TRUB2: variants seen among roughly 807,000 people sequenced by gnomAD.
TRUB2 encodes TruB pseudouridine synthase family member 2.
Under a neutral mutation model 31.9 loss-of-function variants are expected in TRUB2, and 31 were observed. The observed-to-expected ratio is 0.97, with a 90% confidence interval of 0.73 to 1.31. TRUB2 has a LOEUF of 1.31. Among genes scored for constraint, TRUB2 ranks in the 50% most tolerant of loss-of-function variants. The pLI is 0.00. For missense variants in TRUB2, 451 were observed against 439.6 expected (o/e 1.03, Z -0.23); for synonymous variants, 201 against 182.6 (o/e 1.10, Z -0.81).
rs144400266 is a variant in TRUB2, at chr9:128,319,780, C to T, written c.241+1819G>A. Among the ~76,000 whole-genome samples, 216 of 151,298 alleles carry T rather than the reference C, an allele frequency of 1.4e-3. 1 individual carries two copies. The highest frequency in any genetic ancestry group is 4.9e-3 in the African/African-American group (201 of 41,232). ...TCAGCCTCCTGAGTAGCTGGGATTA[C>T]AGGTACGTGCTATCATGCCCAGCTA... On this transcript the variant is annotated intron_variant, in intron 2 of 7. Transcript: ENST00000372890.
intron 2 of TRUB2, among the ~76,000 whole-genome samples, chr9:128,318,681 T>C (rs1229344000): frequency 6.6e-6 from 1 of 151,956 alleles, no homozygotes; most frequent in African/African-American, 2.4e-5. Context: ...TACAGGCACC[T>C]GCCTCCATAC....
At position 128,312,604 on chromosome 9, in the gene TRUB2, G is replaced by GTAT. The variant is rs1564383191; in HGVS notation, c.461-1006_461-1004dup. ...CACTACCATGCCCGGCTAATTTTTT[G>GTAT]TATTATTATTATTTTTTTTTTTTTT... is the stretch of plus-strand genomic sequence containing the variant. On this transcript the variant is annotated intron_variant, in intron 5 of 7. Coordinates refer to ENST00000372890, the MANE Select transcript of TRUB2 (RefSeq NM_015679.3). Among the ~76,000 whole-genome samples the GTAT allele has an allele frequency of 1.7e-3, 249 of 144,832 alleles. 7 individuals are homozygous for GTAT. Among genetic ancestry groups the GTAT allele is most frequent in the Middle Eastern group, 3.7e-3 (1 of 272 alleles).
chr9:128,322,237 G>T, intron 1 of TRUB2, 63 bp downstream of exon 1: 1 of 1,434,700 alleles, frequency 7.0e-7, no homozygotes, highest in Non-Finnish European at 9.8e-7. Context: ...GTAAGGACCA[G>T]AAGCGGAGAT....
intron 7 of TRUB2, among the ~76,000 whole-genome samples, chr9:128,310,568 A>G (rs572523896): frequency 2.0e-5 from 3 of 151,974 alleles, no homozygotes; most frequent in East Asian, 2.0e-4. Flanking sequence ...GTTGTGTCTG[A>G]TGGAGCCCTC....
intron 2 of TRUB2, among the ~76,000 whole-genome samples, chr9:128,321,100 T>A (rs1372281336): frequency 6.6e-6 from 1 of 152,258 alleles, no homozygotes; most frequent in Non-Finnish European, 1.5e-5. Flanking sequence ...TTACTTATAA[T>A]GCCTAATATA....
At position 128,312,620 on chromosome 9, in the gene TRUB2, T is replaced by A. The variant is rs565316426; in HGVS notation, c.461-1019A>T. Among the ~76,000 whole-genome samples the A allele has an allele frequency of 8.8e-4, 130 of 147,420 alleles. 2 individuals are homozygous for A. The South Asian group carries it at 0.019, about 21-fold the overall frequency. On this transcript the variant is annotated intron_variant, in intron 5 of 7. Coordinates refer to ENST00000372890, the MANE Select transcript of TRUB2 (RefSeq NM_015679.3). ...TAATTTTTTGTATTATTATTATTTTTTTTTTTTTTTTTTGAGACGGAGTCT... is the reference window on the plus strand; with the variant it reads ...TAATTTTTTGTATTATTATTATTTTATTTTTTTTTTTTTGAGACGGAGTCT...
At chr9:128,310,043 A>C (rs1316907642) in intron 7 of TRUB2, among the ~76,000 whole-genome samples, 168 bp from the exon 8 acceptor site, 1 of 152,052 alleles carries the variant, frequency 6.6e-6, no homozygotes, top group Admixed American at 6.6e-5. Flanking sequence ...GTGCCACCTG[A>C]AATGTGTTAA....
Position 128,317,195 on chromosome 9 carries a change from A to G in TRUB2, c.273T>C (p.Val91=). 6.3e-7 allele frequency: 1 copy of G among 1,595,602 alleles called. No individual in the cohort carries two copies. Among genetic ancestry groups the G allele is most frequent in the Non-Finnish European group, 8.6e-7 (1 of 1,169,510 alleles). ...GGGCATCCAACCGATGTCCCACGCCAACCTTGAGATGGGCGAATGCTGGTC... is the reference window on the plus strand; with the variant it reads ...GGGCATCCAACCGATGTCCCACGCCGACCTTGAGATGGGCGAATGCTGGTC... ...VCGPAFAHLK[V]GVGHRLDAQA... is the part of the protein sequence containing the mutation. Residue 91 remains valine, a synonymous_variant, in exon 3 of 8, where the codon GTT becomes GTC. Transcript: ENST00000372890.
chr9:128,312,098 G>A (rs538269686), intron 5 of TRUB2, among the ~76,000 whole-genome samples: 5 of 149,274 alleles, frequency 3.3e-5, no homozygotes, highest in African/African-American at 9.9e-5. Flanking sequence ...GCCTCCCAAA[G>A]TGCTGAGATT....
At position 128,322,284 on chromosome 9, in the gene TRUB2, G is replaced by A. The variant is rs751324221; in HGVS notation, c.109+16C>T. On this transcript the variant is annotated intron_variant, in intron 1 of 7. Coordinates refer to ENST00000372890, the MANE Select transcript of TRUB2 (RefSeq NM_015679.3). ...AGAACGAGAGCGGGAACGTGGGTCT[G>A]GTTCGAGGCACTCACCCTTCAGAAG... is the stretch of plus-strand genomic sequence containing the variant. 4 of 1,603,924 alleles carry A rather than the reference G, an allele frequency of 2.5e-6. No homozygotes were observed. In the Admixed American group the frequency reaches 5.0e-5, roughly 20 times the overall value.
In TRUB2 at chr9:128,310,993, C is replaced by T; in HGVS notation, c.564G>A (p.Glu188=). ...MYSNLDLKTQ[E]AYEMAVRGLI... is the part of the protein sequence containing the mutation. ...GGCCTCTCACGGCCATCTCATAGGC[C>T]TCCTGGGTCTTCAGGTCGAGGTTGG... The change falls in exon 7 of 8, where the codon GAG becomes GAA. Residue 188 remains glutamate, a synonymous_variant. Coordinates refer to ENST00000372890, the MANE Select transcript of TRUB2 (RefSeq NM_015679.3). 1 of 1,614,228 alleles carries T rather than the reference C, an allele frequency of 6.2e-7. No homozygotes were observed. Among genetic ancestry groups the T allele is most frequent in the East Asian group, 2.2e-5 (1 of 44,880 alleles).
At chr9:128,310,654 G>A (rs1400989598) in intron 7 of TRUB2, among the ~76,000 whole-genome samples, 4 of 152,062 alleles carry the variant, frequency 2.6e-5, no homozygotes, top group Non-Finnish European at 5.9e-5. Context: ...GGCTTCCAAG[G>A]GTGACTTGGC....
chr9:128,316,968 T>C (rs1832079213), intron 3 of TRUB2, 184 bp downstream of exon 3: 1 of 579,570 alleles, frequency 1.7e-6, no homozygotes, highest in African/African-American at 1.9e-5. Context: ...ACTGTGGTAT[T>C]AACCTGTGAT....
At chr9:128,319,891 T>C (rs1019647546) in intron 2 of TRUB2, among the ~76,000 whole-genome samples, 1 of 150,574 alleles carries the variant, frequency 6.6e-6, no homozygotes, top group African/African-American at 2.4e-5. Flanking sequence ...AGTGCAGCGA[T>C]TACAGGCGTG....
chr9:128,320,089 T>C (rs931534507), intron 2 of TRUB2, among the ~76,000 whole-genome samples: 1 of 151,434 alleles, frequency 6.6e-6, no homozygotes, highest in African/African-American at 2.4e-5. Context: ...CTAATTTCTT[T>C]GTATTTTTAG....
chr9:128,317,137 T>C lies in TRUB2; in HGVS notation c.316+15A>G, dbSNP rs1335077505. ...AGCCTTATCACTGTACCCCCAGGCT[T>C]CTCACATCACCTACCAAGTACTCCA... On this transcript the variant is annotated intron_variant, in intron 3 of 7. Transcript: ENST00000372890. 1.9e-6 allele frequency: 3 copies of C among 1,566,242 alleles called. No individual in the cohort carries two copies. The highest frequency in any genetic ancestry group is 2.6e-6 in the Non-Finnish European group (3 of 1,153,800).
chr9:128,309,579 A>ATTGG lies in TRUB2; in HGVS notation c.966_967insCCAA (p.Leu323ProfsTer23), dbSNP rs1156631818. The ATTGG allele has an allele frequency of 6.2e-7, 1 of 1,612,844 alleles. No homozygotes were observed. Among genetic ancestry groups the ATTGG allele is most frequent in the Admixed American group, 1.7e-5 (1 of 59,948 alleles). On this transcript the variant is annotated frameshift_variant, in exon 8 of 8. Transcript: ENST00000372890. LOFTEE classifies it high-confidence loss of function. ...TGCCCCGCACCCCTCTCCAGCCCCA[A>ATTGG]GGTAGAGCTCGGGCCCTGGGAGTCC...
At chr9:128,310,855 T>G in intron 7 of TRUB2, 32 bp downstream of exon 7, 3 of 1,613,138 alleles carry the variant, frequency 1.9e-6, no homozygotes, top group Non-Finnish European at 2.5e-6. Context: ...ACGGGTCCCA[T>G]CTCACTGCTC....
chr9:128,311,059 C>T, intron 6 of TRUB2, 36 bp from the exon 7 acceptor site: 1 of 1,605,944 alleles, frequency 6.2e-7, no homozygotes, highest in African/African-American at 1.3e-5. Flanking sequence ...CTGGGTGGCC[C>T]ACCTACCCTT....
Sources: allele counts gnomAD v4.1 joint callset (sites outside exome capture counted in the v4.1 genomes callset), GRCh38; gene constraint gnomAD v4.1.1; transcripts MANE v1.5; gene names NCBI Gene and HGNC (gene_info 2026-07-23, HGNC 2026-07-21).